ANKRD42: variants seen among roughly 807,000 people sequenced by gnomAD.
The protein encoded by ANKRD42 is ankyrin repeat domain-containing protein 42.
ANKRD42 carries 43 observed loss-of-function variants against 51.5 expected under a neutral mutation model. That is an observed-to-expected ratio of 0.83 (90% CI 0.65 to 1.08). The LOEUF is 1.08. Among genes scored for constraint, ANKRD42 ranks in the 50% least tolerant of loss-of-function variants. The pLI, the probability that ANKRD42 is intolerant of heterozygous loss-of-function variation, is 0.00. For missense variants in ANKRD42, 608 were observed against 629.3 expected (o/e 0.97, Z 0.36); for synonymous variants, 203 against 213.0 (o/e 0.95, Z 0.41).
intron 8 of ANKRD42, among the ~76,000 whole-genome samples, chr11:83,239,582 A>G (rs1863327324): frequency 2.0e-5 from 3 of 152,316 alleles, no homozygotes; most frequent in Admixed American, 2.0e-4. Context: ...GATATGAAGT[A>G]TGAGTCCAAG....
chr11:83,245,714 C>G, intron 10 of ANKRD42, 90 bp downstream of exon 10: 1 of 1,382,036 alleles, frequency 7.2e-7, no homozygotes, highest in Non-Finnish European at 9.6e-7. Flanking sequence ...TTACTTTCAT[C>G]TTGCCAAAGG....
Position 83,240,500 on chromosome 11 carries a change from C to G in ANKRD42, c.1020-259C>G, listed in dbSNP as rs148456969. Among the ~76,000 whole-genome samples the G allele has an allele frequency of 2.4e-4, 37 of 152,334 alleles. No homozygotes were observed. In the East Asian group the frequency reaches 6.5e-3, roughly 27 times the overall value. ...ACATATTCCTTTGGTATTGGATCTC[C>G]ATTCCCAGTGTATTTTTGCCAATAA... On this transcript the variant is annotated intron_variant, in intron 8 of 10. Transcript: ENST00000533342.
chr11:83,223,572 T>A (rs1215785847), intron 5 of ANKRD42, among the ~76,000 whole-genome samples: 1 of 151,922 alleles, frequency 6.6e-6, no homozygotes, highest in Non-Finnish European at 1.5e-5. Flanking sequence ...GGAGATAATA[T>A]AAGGTAAATG....
At chr11:83,219,964 C>T (rs1206020755) in intron 5 of ANKRD42, among the ~76,000 whole-genome samples, 2 of 152,186 alleles carry the variant, frequency 1.3e-5, no homozygotes, top group Non-Finnish European at 2.9e-5. Flanking sequence ...AATAGGGAGT[C>T]TTGATCCTGC....
In ANKRD42 at chr11:83,248,300, C is replaced by CACACACACACAA. The variant is rs1863604799; in HGVS notation, c.*107_*108insAACACACACACA. ...CTGATGACAGGATTAAAGGAATACA[C>CACACACACACAA]ACACACACACACACACACACACACA... On this transcript the variant is annotated 3_prime_UTR_variant, in exon 11 of 11. Coordinates refer to ENST00000533342, the MANE Select transcript of ANKRD42 (RefSeq NM_001300975.2). 1 of 121,990 alleles carries CACACACACACAA rather than the reference C, an allele frequency of 8.2e-6. No individual in the cohort carries two copies. The highest frequency in any genetic ancestry group is 1.3e-5 in the Non-Finnish European group (1 of 75,450). The allele number at this position is 121,990 out of a possible 1,614,324, so 7.6% of individuals were successfully genotyped here.
At chr11:83,212,604 A>G in intron 5 of ANKRD42, 1 of 1,382,720 alleles carries the variant, frequency 7.2e-7, no homozygotes, top group Non-Finnish European at 9.9e-7. Flanking sequence ...CACAAAGGGG[A>G]AGGGCAGAAT....
chr11:83,262,074 C>A (rs1440531588), downstream of ANKRD42: 3 of 700,792 alleles, frequency 4.3e-6, no homozygotes, highest in Non-Finnish European at 7.1e-6. Flanking sequence ...GGAAATCCAA[C>A]CAATTTTCTA....
intron 7 of ANKRD42, among the ~76,000 whole-genome samples, chr11:83,231,404 G>T (rs1167427040): frequency 6.6e-6 from 1 of 152,132 alleles, no homozygotes; most frequent in African/African-American, 2.4e-5. Context: ...TTAAAAATCA[G>T]ATTATTAGTT....
intron 2 of ANKRD42, among the ~76,000 whole-genome samples, chr11:83,203,014 A>G (rs1861930800): frequency 7.8e-6 from 1 of 128,822 alleles, no homozygotes; most frequent in Non-Finnish European, 1.7e-5. Context: ...TTTTTCAGAC[A>G]GGGTATCGCT....
At chr11:83,238,926 T>G (rs1863303755) in intron 8 of ANKRD42, among the ~76,000 whole-genome samples, 1 of 151,932 alleles carries the variant, frequency 6.6e-6, no homozygotes, top group Non-Finnish European at 1.5e-5. Context: ...GGAGAATTGC[T>G]TGAAGCTGGT....
rs1260039992 is a variant in ANKRD42, at chr11:83,194,649, C to G, written c.-22C>G. ...TCAGGGGCCTGGACTCAACTCCTCCCCAGAGTCGGAGGTGTTGCGCCATGC... is the reference window on the plus strand; with the variant it reads ...TCAGGGGCCTGGACTCAACTCCTCCGCAGAGTCGGAGGTGTTGCGCCATGC... On this transcript the variant is annotated 5_prime_UTR_variant, in exon 1 of 11. Coordinates refer to ENST00000533342, the MANE Select transcript of ANKRD42 (RefSeq NM_001300975.2). 6.2e-7 allele frequency: 1 copy of G among 1,613,174 alleles called. No individual in the cohort carries two copies. The highest frequency in any genetic ancestry group is 8.5e-7 in the Non-Finnish European group (1 of 1,179,608).
chr11:83,244,216 A>G (rs989884207), intron 9 of ANKRD42, among the ~76,000 whole-genome samples: 3 of 151,870 alleles, frequency 2.0e-5, no homozygotes, highest in African/African-American at 7.3e-5. Context: ...CCCAACCTCA[A>G]GTGATCCGCC....
At chr11:83,257,368 G>A (rs771528299), downstream of ANKRD42, 13 of 452,744 alleles carry the variant, frequency 2.9e-5, no homozygotes, top group Non-Finnish European at 4.9e-5. Flanking sequence ...TTGCTAGCTG[G>A]AGGGAAAGGA....
At chr11:83,250,208 G>A (rs1251106920), downstream of ANKRD42, among the ~76,000 whole-genome samples, 1 of 152,014 alleles carries the variant, frequency 6.6e-6, no homozygotes, top group Non-Finnish European at 1.5e-5. Flanking sequence ...ACCTATGATT[G>A]CATACTACTG....
intron 1 of ANKRD42, among the ~76,000 whole-genome samples, chr11:83,196,148 C>T (rs199735575): frequency 6.6e-6 from 1 of 152,254 alleles, no homozygotes; most frequent in East Asian, 1.9e-4. Context: ...GGCCAATCAA[C>T]CTACTCTTTA....
intron 2 of ANKRD42, among the ~76,000 whole-genome samples, chr11:83,199,480 A>G (rs575011305): frequency 2.6e-5 from 4 of 152,022 alleles, no homozygotes; most frequent in Non-Finnish European, 5.9e-5. Flanking sequence ...TCTTTCAGCC[A>G]TGTCGTTTAT....
intron 2 of ANKRD42, 49 bp downstream of exon 2, chr11:83,198,691 A>G (rs1861755686): frequency 6.7e-7 from 1 of 1,492,194 alleles, no homozygotes. Flanking sequence ...TAGCTATAAC[A>G]GTTTTGTAAA....
At chr11:83,213,133 C>A (rs752806547) in intron 5 of ANKRD42, 8 of 1,601,852 alleles carry the variant, frequency 5.0e-6, no homozygotes, top group Non-Finnish European at 6.8e-6. Flanking sequence ...GTATTGACAA[C>A]AGGGTTCGTA....
intron 2 of ANKRD42, among the ~76,000 whole-genome samples, chr11:83,204,857 G>A (rs949779002): frequency 6.6e-6 from 1 of 152,254 alleles, no homozygotes; most frequent in Admixed American, 6.5e-5. Flanking sequence ...AAAGACTTCA[G>A]TTGACACTTT....
Sources: allele counts gnomAD v4.1 joint callset (sites outside exome capture counted in the v4.1 genomes callset), GRCh38; gene constraint gnomAD v4.1.1; transcripts MANE v1.5; gene names NCBI Gene and HGNC (gene_info 2026-07-23, HGNC 2026-07-21).